PHLDB2: variants seen among roughly 807,000 people sequenced by gnomAD.
The protein encoded by PHLDB2 is pleckstrin homology like domain family B member 2, also known as pleckstrin homology-like domain family B member 2.
A neutral mutation model predicts 123.6 loss-of-function variants in PHLDB2; 71 were observed. That is an observed-to-expected ratio of 0.57 (90% CI 0.47 to 0.70). PHLDB2 has a LOEUF of 0.70. PHLDB2 is among the 30% of genes least tolerant of loss of function. The pLI is 0.00. For missense variants in PHLDB2, 1,446 were observed against 1,519.5 expected (o/e 0.95, Z 0.80); for synonymous variants, 547 against 541.6 (o/e 1.01, Z -0.14).
At chr3:111,847,764 A>G (rs1358781697) in intron 2 of PHLDB2, among the ~76,000 whole-genome samples, 1 of 152,166 alleles carries the variant, frequency 6.6e-6, no homozygotes, top group Admixed American at 6.5e-5. Flanking sequence ...GGCTCTCTCT[A>G]AAAGTGGGGA....
Position 111,859,418 on chromosome 3 carries a change from C to T in PHLDB2, c.-173C>T. Reference sequence around the variant, plus strand: ...TTGCTCGAACTCCCTGGGTGCCCGCCGCGGTGGTTACAAAGGGGGTCAAGA... The same window carrying T: ...TTGCTCGAACTCCCTGGGTGCCCGCTGCGGTGGTTACAAAGGGGGTCAAGA... On this transcript the variant is annotated 5_prime_UTR_variant, in exon 1 of 18. Coordinates refer to ENST00000431670, the MANE Select transcript of PHLDB2 (RefSeq NM_001134438.2). 1.0e-6 allele frequency: 1 copy of T among 985,628 alleles called. No individual in the cohort carries two copies. 61.1% of individuals were successfully genotyped at this position (985,628 alleles called of 1,614,324 possible).
In PHLDB2 at chr3:111,884,946, A is replaced by T; in HGVS notation, c.869A>T (p.Asp290Val). Reference protein sequence around the residue: ...NSKRTKLGEKDLPHSVIDNDN... With the variant: ...NSKRTKLGEKVLPHSVIDNDN... ...AAACGAACAAAACTTGGGGAAAAGG[A>T]TCTACCTCATAGCGTAATAGACAAT... Residue 290 changes from aspartate (D) to valine (V), a missense_variant, in exon 2 of 18, where the codon GAT becomes GTT. This residue lies in a region of PHLDB2 where 832 missense variants were observed against 831.9 expected (regional missense o/e 1.00). Transcript: ENST00000431670. The T allele has an allele frequency of 6.2e-7, 1 of 1,614,056 alleles. No individual in the cohort carries two copies. Among genetic ancestry groups the T allele is most frequent in the Non-Finnish European group, 8.5e-7 (1 of 1,179,998 alleles).
chr3:111,927,730 TTC>T (rs1320987689), intron 5 of PHLDB2, among the ~76,000 whole-genome samples: 70 of 152,346 alleles, frequency 4.6e-4, no homozygotes, highest in Non-Finnish European at 4.0e-4. Context: ...GCTGAATGTC[TTC>T]TGTTTTATCT....
At position 111,884,307 on chromosome 3, in the gene PHLDB2, C is replaced by G. The variant is rs1244171495; in HGVS notation, c.230C>G (p.Thr77Ser). ...AAGAGAAGCCCTTCTCCTTTGGGAA[C>G]CAGTGTCAGAAGCAGCCCCTCCTTA... The part of the protein sequence containing the change: ...PAKRSPSPLG[T>S]SVRSSPSLAK... The change falls in exon 2 of 18, where the codon ACC (threonine) becomes AGC (serine). Residue 77 changes from threonine (T) to serine (S), a missense_variant. Physicochemically the swap from Thr to Ser is moderately conservative, Grantham distance 58. Transcript: ENST00000431670. 1.9e-6 allele frequency: 3 copies of G among 1,614,038 alleles called. No individual in the cohort carries two copies. The highest frequency in any genetic ancestry group is 3.3e-5 in the Admixed American group (2 of 59,996).
intron 2 of PHLDB2, among the ~76,000 whole-genome samples, chr3:111,894,069 C>T (rs1191648087): frequency 2.1e-5 from 2 of 93,446 alleles, no homozygotes; most frequent in Non-Finnish European, 2.0e-5. Context: ...CCTCCCCCCA[C>T]CCCACAACAG....
In PHLDB2 at chr3:111,913,690, T is replaced by A. The variant is rs765745765; in HGVS notation, c.1707T>A (p.Ser569Arg). The A allele has an allele frequency of 1.2e-6, 2 of 1,612,242 alleles. No individual in the cohort carries two copies. The highest frequency in any genetic ancestry group is 2.2e-5 in the South Asian group (2 of 90,920). The change falls in exon 3 of 18, where the codon AGT becomes AGA. Residue 569 changes from serine to arginine, a missense_variant. By Grantham distance (110) the Ser-to-Arg change is moderately radical. This residue lies in a region of PHLDB2 where 832 missense variants were observed against 831.9 expected (regional missense o/e 1.00). Transcript: ENST00000431670. ...PKASSESSYLSILPKTPEGIS... is the reference protein window; with the variant it reads ...PKASSESSYLRILPKTPEGIS... Reference sequence around the variant, plus strand: ...CTTCCAGCGAGTCCTCTTATCTAAGTATCCTACCAAAGGTAATGTTGGCCC... The same window carrying A: ...CTTCCAGCGAGTCCTCTTATCTAAGAATCCTACCAAAGGTAATGTTGGCCC...
chr3:111,867,515 T>C (rs1426117892), intron 1 of PHLDB2, among the ~76,000 whole-genome samples: 1 of 152,210 alleles, frequency 6.6e-6, no homozygotes, highest in Non-Finnish European at 1.5e-5. Flanking sequence ...AACCTCACTT[T>C]ACCCTAAAAC....
In PHLDB2 at chr3:111,920,307, A is replaced by T; in HGVS notation, c.1889A>T (p.Asp630Val). The change falls in exon 5 of 18, where the codon GAT becomes GTT. Residue 630 changes from aspartate (D) to valine (V), a missense_variant. Transcript: ENST00000431670. Reference sequence around the variant, plus strand: ...TTGGATATGGAATGTGCTCTTTTGGATGGAGAACAGAAATCTGAAACAACT... The same window carrying T: ...TTGGATATGGAATGTGCTCTTTTGGTTGGAGAACAGAAATCTGAAACAACT... ...RELDMECALL[D>V]GEQKSETTEL... The T allele has an allele frequency of 4.3e-6, 7 of 1,613,872 alleles. No individual in the cohort carries two copies. Among genetic ancestry groups the T allele is most frequent in the Non-Finnish European group, 5.1e-6 (6 of 1,179,908 alleles).
chr3:111,895,103 G>A (rs2066750776), intron 2 of PHLDB2, among the ~76,000 whole-genome samples: 1 of 151,900 alleles, frequency 6.6e-6, no homozygotes, highest in African/African-American at 2.4e-5. Flanking sequence ...TCTTCACTTG[G>A]AGAGATGGGC....
In PHLDB2 at chr3:111,901,634, T is replaced by C. The variant is rs542588042; in HGVS notation, c.1336-11685T>C. Among the ~76,000 whole-genome samples the C allele has an allele frequency of 5.3e-5, 8 of 152,316 alleles. No individual in the cohort carries two copies. In the South Asian group the frequency reaches 1.2e-3, roughly 24 times the overall value. On this transcript the variant is annotated intron_variant, in intron 2 of 17. Coordinates refer to ENST00000431670, the MANE Select transcript of PHLDB2 (RefSeq NM_001134438.2). ...AAGTATTTTAATGGATTGTGTTTTA[T>C]AGACTATAGTCTTTCAGAAGAAGCA...
In PHLDB2 at chr3:111,792,849, T is replaced by C. The variant is rs897274723; in HGVS notation, c.-48-52972T>C. Among the ~76,000 whole-genome samples the C allele has an allele frequency of 3.9e-5, 6 of 152,188 alleles. 1 individual carries two copies. In the East Asian group the frequency reaches 1.2e-3, roughly 29 times the overall value. On this transcript the variant is annotated intron_variant, in intron 1 of 17. Coordinates refer to the PHLDB2 transcript ENST00000393923. ...ATGGGTATGTACTGAACCAAGATTA[T>C]GATTAATTTATTTCTGTGTACAAGA...
chr3:111,937,560 G>T (rs1469169534), intron 6 of PHLDB2, among the ~76,000 whole-genome samples: 1 of 152,054 alleles, frequency 6.6e-6, no homozygotes, highest in African/African-American at 2.4e-5. Context: ...GAGGTGAGTG[G>T]ATTGCTTGAG....
At chr3:111,779,196 G>C (rs1199782737) in intron 1 of PHLDB2, among the ~76,000 whole-genome samples, 1 of 151,950 alleles carries the variant, frequency 6.6e-6, no homozygotes, top group Non-Finnish European at 1.5e-5. Flanking sequence ...TTCTGCTTCA[G>C]TTTTCATGGA....
upstream of PHLDB2, among the ~76,000 whole-genome samples, chr3:111,854,509 A>G (rs1257676222): frequency 6.6e-6 from 1 of 152,242 alleles, no homozygotes; most frequent in Non-Finnish European, 1.5e-5. Flanking sequence ...TAAGATTGAA[A>G]TGAGTTAATA....
At chr3:111,919,391 TTC>T (rs2068362371) in intron 4 of PHLDB2, among the ~76,000 whole-genome samples, 176 bp downstream of exon 4, 1 of 121,884 alleles carries the variant, frequency 8.2e-6, no homozygotes. Context: ...CCTTTTTTCT[TTC>T]TTTTTTTTTC....
chr3:111,953,788 A>G, intron 11 of PHLDB2, 142 bp from the exon 12 acceptor site: 2 of 601,882 alleles, frequency 3.3e-6, no homozygotes, highest in Non-Finnish European at 5.6e-6. Context: ...TTTACCACTT[A>G]GCATCAACAA....
intron 1 of PHLDB2, among the ~76,000 whole-genome samples, chr3:111,832,185 C>A (rs2063071827): frequency 6.6e-6 from 1 of 151,026 alleles, no homozygotes; most frequent in Non-Finnish European, 1.5e-5. Context: ...ACAATCCAAC[C>A]CTTTGGTACA....
chr3:111,895,817 C>G (rs2066810518), intron 2 of PHLDB2, among the ~76,000 whole-genome samples: 1 of 151,664 alleles, frequency 6.6e-6, no homozygotes, highest in Non-Finnish European at 1.5e-5. Context: ...CCATTGCAGT[C>G]TGGCGTGGGC....
chr3:111,943,364 T>C (rs1006551437), intron 8 of PHLDB2, among the ~76,000 whole-genome samples: 1 of 152,176 alleles, frequency 6.6e-6, no homozygotes, highest in Non-Finnish European at 1.5e-5. Flanking sequence ...ATATGATATA[T>C]GTAAATTCAT....
Sources: gnomAD v4.1 joint callset for allele counts (sites outside exome capture counted in the v4.1 genomes callset) on GRCh38, gnomAD v4.1.1 for gene constraint, gnomAD v4.1.1 regional missense constraint, MANE v1.5 for transcripts, NCBI Gene and HGNC (gene_info 2026-07-23, HGNC 2026-07-21) for gene names.